Variants in STXBP4 observed in about 807,000 individuals in gnomAD.
STXBP4 encodes syntaxin binding protein 4.
In STXBP4, 55 loss-of-function variants were observed where a neutral mutation model predicts 76.1. The ratio of observed to expected loss-of-function variants is 0.72; its 90% CI spans 0.58 to 0.91. STXBP4 has a LOEUF of 0.91. STXBP4 is among the 40% of genes least tolerant of loss of function. The pLI, the probability that STXBP4 is intolerant of heterozygous loss-of-function variation, is 0.00. For synonymous variants in STXBP4, 201 were observed against 220.2 expected (o/e 0.91, Z 0.77); for missense variants, 618 against 636.9 (o/e 0.97, Z 0.32).
At chr17:54,994,589 C>A (rs1442957156) in intron 4 of STXBP4, among the ~76,000 whole-genome samples, 1 of 152,196 alleles carries the variant, frequency 6.6e-6, no homozygotes, top group Non-Finnish European at 1.5e-5. Flanking sequence ...ATTCTTATCA[C>A]TGGAGCTTAA....
chr17:55,060,221 A>T (rs1369681309), intron 12 of STXBP4, among the ~76,000 whole-genome samples: 1 of 152,090 alleles, frequency 6.6e-6, no homozygotes, highest in Non-Finnish European at 1.5e-5. Context: ...AGCTTTTCTT[A>T]TGTACATAGA....
intron 16 of STXBP4, among the ~76,000 whole-genome samples, chr17:55,084,615 G>A (rs1025064708): frequency 2.6e-5 from 4 of 151,528 alleles, no homozygotes; most frequent in African/African-American, 9.7e-5. Context: ...ATGGTTTTAG[G>A]TCTAACGTTT....
At position 54,968,817 on chromosome 17, in the gene STXBP4, T is replaced by A; in HGVS notation, c.-157+2T>A. 1.5e-6 allele frequency: 1 copy of A among 666,088 alleles called. No homozygotes were observed. The highest frequency in any genetic ancestry group is 2.5e-6 in the Non-Finnish European group (1 of 392,776). 41.3% of individuals were successfully genotyped at this position (666,088 alleles called of 1,614,324 possible). A position where few individuals can be genotyped will look rare whatever the true frequency, so the allele number is the denominator to read the frequency against. ...GGAGGCCGGGTTGCCAGATTACGGG[T>A]AAGTTTGCGTTTTGCTTTGTGACTG... On this transcript the variant is annotated splice_donor_variant, in intron 1 of 17. Coordinates refer to ENST00000376352, the MANE Select transcript of STXBP4 (RefSeq NM_178509.6). LOFTEE classifies it low-confidence loss of function (5UTR_SPLICE).
chr17:55,151,277 TG>T (rs1383232061), intron 17 of STXBP4, among the ~76,000 whole-genome samples: 1 of 152,178 alleles, frequency 6.6e-6, no homozygotes, highest in Non-Finnish European at 1.5e-5. Flanking sequence ...TGTGTGACCT[TG>T]GATGGGGCTT....
At chr17:55,191,981 TTTAC>T in the STXBP4 span, among the ~76,000 whole-genome samples, 2 of 152,196 alleles carry the variant, frequency 1.3e-5, no homozygotes, top group South Asian at 4.1e-4. Context: ...AGGAAAGTGC[TTTAC>T]TTACTATTAG....
intron 16 of STXBP4, among the ~76,000 whole-genome samples, chr17:55,131,870 C>T (rs1481007859): frequency 1.3e-5 from 2 of 152,154 alleles, no homozygotes; most frequent in Admixed American, 6.5e-5. Context: ...TCAAGCGATC[C>T]TCCCACCTCA....
intron 12 of STXBP4, among the ~76,000 whole-genome samples, chr17:55,050,060 T>C (rs1395703540): frequency 6.6e-6 from 1 of 151,902 alleles, no homozygotes; most frequent in Non-Finnish European, 1.5e-5. Context: ...GAAGATACAG[T>C]TAGACTAGAA....
chr17:55,106,749 G>A (rs1334917196), intron 16 of STXBP4, among the ~76,000 whole-genome samples: 1 of 152,120 alleles, frequency 6.6e-6, no homozygotes, highest in Non-Finnish European at 1.5e-5. Flanking sequence ...TGAAATTCTG[G>A]GTTGAAAATT....
chr17:55,058,337 C>T (rs566474860), intron 12 of STXBP4, among the ~76,000 whole-genome samples: 15 of 152,184 alleles, frequency 9.9e-5, no homozygotes, highest in East Asian at 3.9e-4. Context: ...GTTTCTTGGC[C>T]GCATAAATGC....
At chr17:54,992,617 G>A (rs1774109424) in intron 4 of STXBP4, among the ~76,000 whole-genome samples, 1 of 150,206 alleles carries the variant, frequency 6.7e-6, no homozygotes, top group Non-Finnish European at 1.5e-5. Flanking sequence ...GTGTGTGTGT[G>A]TTCAATATAG....
chr17:55,102,217 G>GCATA (rs2079575646), intron 16 of STXBP4, among the ~76,000 whole-genome samples: 1 of 151,520 alleles, frequency 6.6e-6, no homozygotes, highest in African/African-American at 2.4e-5. Flanking sequence ...ATGGTGGTTT[G>GCATA]CTGCAGCCAT....
chr17:55,126,145 G>C (rs1322338668), intron 16 of STXBP4, among the ~76,000 whole-genome samples: 2 of 152,130 alleles, frequency 1.3e-5, no homozygotes, highest in Non-Finnish European at 2.9e-5. Flanking sequence ...ACAGAATCCA[G>C]AGTTTTTACA....
intron 16 of STXBP4, among the ~76,000 whole-genome samples, chr17:55,103,485 C>A (rs2079590775): frequency 6.6e-6 from 1 of 151,172 alleles, no homozygotes. Context: ...TTCCATTGGT[C>A]TATATATCTC....
the STXBP4 span, among the ~76,000 whole-genome samples, chr17:55,182,089 T>C: frequency 1.3e-5 from 2 of 152,196 alleles, no homozygotes; most frequent in Non-Finnish European, 2.9e-5. Context: ...TTTTCTTTTT[T>C]CTTAATTTTC....
At chr17:55,151,978 A>G (rs1050531359) in intron 17 of STXBP4, among the ~76,000 whole-genome samples, 1 of 152,214 alleles carries the variant, frequency 6.6e-6, no homozygotes, top group Non-Finnish European at 1.5e-5. Flanking sequence ...AAGGACTAGT[A>G]GTGTTAGTTA....
intron 16 of STXBP4, among the ~76,000 whole-genome samples, chr17:55,092,572 A>G (rs1303982335): frequency 6.6e-6 from 1 of 152,216 alleles, no homozygotes; most frequent in African/African-American, 2.4e-5. Flanking sequence ...TAAGACTGTC[A>G]AGCAGTGACC....
At chr17:55,000,777 G>A (rs543798572) in intron 6 of STXBP4, 31 bp from the exon 7 acceptor site, 61 of 1,413,748 alleles carry the variant, frequency 4.3e-5, no homozygotes, top group Non-Finnish European at 6.0e-5. Context: ...TTTAGTAAAT[G>A]ACATTGCATG....
At chr17:55,158,299 G>A (rs1469530140) in intron 17 of STXBP4, among the ~76,000 whole-genome samples, 1 of 152,192 alleles carries the variant, frequency 6.6e-6, no homozygotes, top group African/African-American at 2.4e-5. Context: ...TTATAATGTA[G>A]GAGGCACTTT....
At chr17:55,194,968 G>A in the STXBP4 span, among the ~76,000 whole-genome samples, 2 of 152,038 alleles carry the variant, frequency 1.3e-5, no homozygotes, top group African/African-American at 4.8e-5. Flanking sequence ...ACTCATACCT[G>A]TGCATACCAC....
Sources: allele counts gnomAD v4.1 joint callset (sites outside exome capture counted in the v4.1 genomes callset), GRCh38; gene constraint gnomAD v4.1.1; transcripts MANE v1.5; gene names NCBI Gene and HGNC (gene_info 2026-07-23, HGNC 2026-07-21).